Variants in PROM1 observed in about 807,000 individuals in gnomAD.
The protein encoded by PROM1 is prominin 1.
In PROM1, 105 loss-of-function variants were observed where a neutral mutation model predicts 116.9. The observed-to-expected ratio is 0.90, with a 90% CI of 0.77 to 1.06. The LOEUF (loss-of-function observed/expected upper bound fraction) is 1.06. Among genes scored for constraint, PROM1 ranks in the 50% least tolerant of loss-of-function variants. The pLI, the probability that PROM1 is intolerant of heterozygous loss-of-function variation, is 0.00. For missense variants in PROM1, 1,122 were observed against 1,045.2 expected, an observed-to-expected ratio of 1.07 and a Z score of -1.01; for synonymous variants, 393 against 387.0, an observed-to-expected ratio of 1.02 and a Z score of -0.18.
At position 16,033,450 on chromosome 4, in the gene PROM1, A is replaced by T. The variant is rs1385347515; in HGVS notation, c.363T>A (p.Ile121=). The change falls in exon 5 of 28, where the codon ATT becomes ATA. Residue 121 remains isoleucine, a synonymous_variant. Coordinates refer to ENST00000447510, the MANE Select transcript of PROM1 (RefSeq NM_006017.3). Reference sequence around the variant, plus strand: ...AGAAATACCCCACCAGAGGCATCAGAATAATAAACAGCAGCCCCAGGACAC... The same window carrying T: ...AGAAATACCCCACCAGAGGCATCAGTATAATAAACAGCAGCCCCAGGACAC... ...LCCVLGLLFI[I]LMPLVGYFFC... 6.2e-7 allele frequency: 1 copy of T among 1,613,524 alleles called. No individual in the cohort carries two copies. Among genetic ancestry groups the T allele is most frequent in the Non-Finnish European group, 8.5e-7 (1 of 1,179,640 alleles).
At chr4:16,045,709 A>C (rs568594977) in intron 2 of PROM1, among the ~76,000 whole-genome samples, 1 of 152,326 alleles carries the variant, frequency 6.6e-6, no homozygotes, top group South Asian at 2.1e-4. Flanking sequence ...CTTATAGACC[A>C]GCACCCACAT....
intron 13 of PROM1, among the ~76,000 whole-genome samples, chr4:16,001,777 T>C (rs543915550): frequency 4.6e-4 from 70 of 151,990 alleles, no homozygotes; most frequent in African/African-American, 1.6e-3. Flanking sequence ...TGAGAGCCTG[T>C]GTGGGGGAAG....
Position 15,986,054 on chromosome 4 carries a change from C to G in PROM1, c.2131-17G>C, listed in dbSNP as rs534835574. The G allele has an allele frequency of 2.7e-4, 412 of 1,518,060 alleles. 1 individual carries two copies. The highest frequency in any genetic ancestry group is 2.2e-3 in the South Asian group (185 of 83,562). 94.0% of individuals were successfully genotyped at this position (1,518,060 alleles called of 1,614,324 possible). On this transcript the variant is annotated splice_polypyrimidine_tract_variant and intron_variant, in intron 20 of 27. Coordinates refer to ENST00000447510, the MANE Select transcript of PROM1 (RefSeq NM_006017.3). Reference sequence around the variant, plus strand: ...TACTCTCTCCTGAAAGACACAGCCACAGTTATCAGGGTATCAAGTCATAGA... The same window carrying G: ...TACTCTCTCCTGAAAGACACAGCCAGAGTTATCAGGGTATCAAGTCATAGA...
At chr4:16,023,458 TCATCTCTC>T in intron 7 of PROM1, 43 bp from the exon 8 acceptor site, 1 of 1,436,478 alleles carries the variant, frequency 7.0e-7, no homozygotes, top group South Asian at 1.2e-5. Context: ...TGGCCTCTGC[TCATCTCTC>T]CACCCCTCCC....
chr4:15,980,447 T>C lies in PROM1; in HGVS notation c.2464A>G (p.Met822Val), dbSNP rs982406072. 6.4e-7 allele frequency: 1 copy of C among 1,553,626 alleles called. No homozygotes were observed. The highest frequency in any genetic ancestry group is 2.4e-5 in the East Asian group (1 of 41,542). ...TCATCGTACACGTCCTCCGAATCCA[T>C]TCGACGATAGTACTTAGCCAGTTTT... ...AVKLAKYYRR[M>V]DSEDVYDDVE... Residue 822 changes from methionine (M) to valine (V), a missense_variant, in exon 24 of 28, where the codon ATG becomes GTG. Transcript: ENST00000447510.
At chr4:16,037,635 T>C (rs1357044391) in intron 3 of PROM1, among the ~76,000 whole-genome samples, 1 of 152,232 alleles carries the variant, frequency 6.6e-6, no homozygotes, top group Non-Finnish European at 1.5e-5. Flanking sequence ...ATCTGCTTAC[T>C]GGTAGCCCGA....
At chr4:16,076,224 C>T in intron 1 of PROM1, 106 bp from the exon 2 acceptor site, 1 of 281,110 alleles carries the variant, frequency 3.6e-6, no homozygotes, top group Non-Finnish European at 6.6e-6. Flanking sequence ...GGCCTCCAGC[C>T]TAATCCGGAT....
At chr4:16,036,678 G>A (rs1390081605) in intron 3 of PROM1, among the ~76,000 whole-genome samples, 4 of 152,224 alleles carry the variant, frequency 2.6e-5, no homozygotes, top group Admixed American at 6.5e-5. Context: ...AGGAATCTGT[G>A]TTCCCTGAGC....
At chr4:16,008,761 T>C in intron 12 of PROM1, among the ~76,000 whole-genome samples, 188 bp downstream of exon 12, 1 of 152,262 alleles carries the variant, frequency 6.6e-6, no homozygotes, top group East Asian at 1.9e-4. Flanking sequence ...AATTTTAGTA[T>C]ATGTGCTGCC....
At chr4:16,049,566 T>C (rs937831726) in intron 2 of PROM1, among the ~76,000 whole-genome samples, 1 of 152,166 alleles carries the variant, frequency 6.6e-6, no homozygotes, top group African/African-American at 2.4e-5. Flanking sequence ...AAAATGCTGG[T>C]TCCTGTAAAT....
At chr4:15,998,711 T>C (rs17478044) in intron 14 of PROM1, among the ~76,000 whole-genome samples, 17,523 of 152,168 alleles carry the variant, frequency 0.12, 1,067 homozygotes, top group South Asian at 0.13. Flanking sequence ...TAAAATTACT[T>C]TTTTTGAGAA....
intron 26 of PROM1, among the ~76,000 whole-genome samples, chr4:15,973,707 G>C (rs987103033): frequency 1.3e-5 from 2 of 152,142 alleles, no homozygotes; most frequent in African/African-American, 4.8e-5. Flanking sequence ...TGAAGACTGG[G>C]AAAAATAATC....
chr4:16,062,738 C>G (rs1183883289), intron 2 of PROM1, among the ~76,000 whole-genome samples: 1 of 152,160 alleles, frequency 6.6e-6, no homozygotes, highest in African/African-American at 2.4e-5. Context: ...TAACGCCTAA[C>G]AAAAACAAAT....
intron 12 of PROM1, among the ~76,000 whole-genome samples, chr4:16,006,892 T>G (rs895898913): frequency 6.6e-6 from 1 of 152,196 alleles, no homozygotes; most frequent in African/African-American, 2.4e-5. Context: ...GCGGAGAAAC[T>G]TTTATTTTGA....
chr4:15,984,934 T>C (rs1718950578), intron 22 of PROM1, among the ~76,000 whole-genome samples: 1 of 152,134 alleles, frequency 6.6e-6, no homozygotes, highest in Admixed American at 6.5e-5. Context: ...ACTAAACCAG[T>C]CCCTGGTGCC....
At chr4:15,977,182 C>T (rs1475538107) in intron 26 of PROM1, among the ~76,000 whole-genome samples, 2 of 122,892 alleles carry the variant, frequency 1.6e-5, no homozygotes, top group Non-Finnish European at 3.7e-5. Context: ...TGGCAGCCTC[C>T]ACCCAGGCTT....
chr4:16,083,892 G>C (rs1373124039), intron 1 of PROM1, 86 bp downstream of exon 1: 5 of 152,284 alleles, frequency 3.3e-5, no homozygotes, highest in Non-Finnish European at 2.9e-5. Context: ...GGGTGCCCGG[G>C]GGGACCCGTT....
At chr4:16,019,295 GT>G (rs1281437404) in intron 8 of PROM1, among the ~76,000 whole-genome samples, 1 of 152,212 alleles carries the variant, frequency 6.6e-6, no homozygotes, top group Non-Finnish European at 1.5e-5. Flanking sequence ...TATGCATTCA[GT>G]TAAAATCGTA....
chr4:16,071,595 G>A lies in PROM1; in HGVS notation c.220+4092C>T, dbSNP rs193083941. The stretch of plus-strand genomic sequence containing the variant: ...GCCTGATGGGATTAGAGAAAGAGAA[G>A]ATATCTTTTCACCCTCTCTCCAGGA... On this transcript the variant is annotated intron_variant, in intron 2 of 27. Coordinates refer to ENST00000447510, the MANE Select transcript of PROM1 (RefSeq NM_006017.3). Among the ~76,000 whole-genome samples the A allele has an allele frequency of 5.3e-5, 8 of 152,270 alleles. No individual in the cohort carries two copies. The East Asian group carries it at 1.5e-3, about 29-fold the overall frequency.
Sources: gnomAD v4.1 joint callset for allele counts (sites outside exome capture counted in the v4.1 genomes callset) on GRCh38, gnomAD v4.1.1 for gene constraint, MANE v1.5 for transcripts, NCBI Gene and HGNC (gene_info 2026-07-23, HGNC 2026-07-21) for gene names.